NAALADL2: variants seen among roughly 807,000 people sequenced by gnomAD.
NAALADL2 encodes inactive N-acetylated-alpha-linked acidic dipeptidase-like protein 2.
In NAALADL2, 76 loss-of-function variants were observed where a neutral mutation model predicts 87.2. The observed-to-expected ratio is 0.87, with a 90% CI of 0.72 to 1.05. NAALADL2 has a LOEUF of 1.05. NAALADL2 is among the 50% of genes least tolerant of loss of function. The pLI is 0.00. For synonymous variants in NAALADL2, 354 were observed against 331.0 expected, an observed-to-expected ratio of 1.07 and a Z score of -0.75; for missense variants, 1,089 against 945.8, an observed-to-expected ratio of 1.15 and a Z score of -1.99.
chr3:175,688,476 T>A (rs892388495), intron 11 of NAALADL2, among the ~76,000 whole-genome samples: 2 of 152,076 alleles, frequency 1.3e-5, no homozygotes, highest in Non-Finnish European at 2.9e-5. Flanking sequence ...AAAGGAAAGA[T>A]TTAGCCTGTA....
chr3:175,574,015 TG>T (rs1718494809), intron 9 of NAALADL2, among the ~76,000 whole-genome samples: 1 of 152,224 alleles, frequency 6.6e-6, no homozygotes, highest in African/African-American at 2.4e-5. Flanking sequence ...CCATTTTAAT[TG>T]ATGTTTAACT....
chr3:175,154,294 C>A (rs1731982685), intron 2 of NAALADL2, among the ~76,000 whole-genome samples: 1 of 152,032 alleles, frequency 6.6e-6, no homozygotes, highest in African/African-American at 2.4e-5. Context: ...GAAGATTGAG[C>A]CGATTAATTA....
At position 175,097,240 on chromosome 3, in the gene NAALADL2, A is replaced by T; in HGVS notation, c.494A>T (p.Tyr165Phe). 6.2e-7 allele frequency: 1 copy of T among 1,613,244 alleles called. No individual in the cohort carries two copies. Among genetic ancestry groups the T allele is most frequent in the Non-Finnish European group, 8.5e-7 (1 of 1,179,388 alleles). The change falls in exon 2 of 14, where the codon TAT (tyrosine) becomes TTT (phenylalanine). Residue 165 changes from tyrosine to phenylalanine, a missense_variant. Tyr to Phe is a conservative substitution (Grantham distance 22). Coordinates refer to ENST00000454872, the MANE Select transcript of NAALADL2 (RefSeq NM_207015.3). ...PSSGTVDPQL[Y>F]QEILKTIQAE... Reference sequence around the variant, plus strand: ...TCAGGAACAGTTGATCCTCAGTTATATCAAGAGATTCTCAAGACAATCCAG... The same window carrying T: ...TCAGGAACAGTTGATCCTCAGTTATTTCAAGAGATTCTCAAGACAATCCAG...
intron 4 of NAALADL2, among the ~76,000 whole-genome samples, chr3:175,287,322 C>T (rs143352508): frequency 6.6e-6 from 1 of 152,010 alleles, no homozygotes; most frequent in African/African-American, 2.4e-5. Context: ...CAGCAATGTG[C>T]AAAAATAATA....
At chr3:174,757,578 G>A (rs889635353) in intron 3 of NAALADL2, among the ~76,000 whole-genome samples, 1 of 151,664 alleles carries the variant, frequency 6.6e-6, no homozygotes, top group Non-Finnish European at 1.5e-5. Flanking sequence ...TGCAAAGTCC[G>A]CCTCCTGGGT....
chr3:175,695,047 G>T (rs1737558715), intron 11 of NAALADL2, among the ~76,000 whole-genome samples: 1 of 150,818 alleles, frequency 6.6e-6, no homozygotes, highest in Non-Finnish European at 1.5e-5. Context: ...TGAGGTGCTT[G>T]AGGAGAGATC....
intron 1 of NAALADL2, among the ~76,000 whole-genome samples, chr3:174,473,458 G>A (rs1335836209): frequency 1.3e-5 from 2 of 152,114 alleles, no homozygotes; most frequent in Non-Finnish European, 2.9e-5. Context: ...TCCTTCCTGT[G>A]AATGCCCCTT....
intron 5 of NAALADL2, among the ~76,000 whole-genome samples, chr3:175,413,584 A>AAAAG (rs3067080): frequency 6.7e-6 from 1 of 150,330 alleles, no homozygotes; most frequent in East Asian, 2.0e-4. Flanking sequence ...AAAAAAAAAA[A>AAAAG]TCCCAAACAT....
At chr3:175,044,195 G>A (rs1159721393) in intron 1 of NAALADL2, among the ~76,000 whole-genome samples, 1 of 151,904 alleles carries the variant, frequency 6.6e-6, no homozygotes, top group Non-Finnish European at 1.5e-5. Flanking sequence ...AAACACAGTG[G>A]AATTTGTATG....
chr3:175,649,721 T>G (rs1186343158), intron 11 of NAALADL2, among the ~76,000 whole-genome samples: 1 of 152,156 alleles, frequency 6.6e-6, no homozygotes, highest in African/African-American at 2.4e-5. Context: ...CCAGACTTAT[T>G]ACCTTACTTA....
intron 6 of NAALADL2, among the ~76,000 whole-genome samples, chr3:175,456,640 A>G (rs1722362574): frequency 6.6e-6 from 1 of 152,094 alleles, no homozygotes; most frequent in Admixed American, 6.6e-5. Context: ...TTACAAACAT[A>G]GTGAATATCT....
chr3:174,912,143 C>G (rs936590738), intron 1 of NAALADL2, among the ~76,000 whole-genome samples: 1 of 151,922 alleles, frequency 6.6e-6, no homozygotes, highest in African/African-American at 2.4e-5. Flanking sequence ...TGGTAGTTCT[C>G]TCATTTTCCA....
chr3:174,916,312 T>C (rs1734379551), intron 1 of NAALADL2, among the ~76,000 whole-genome samples: 1 of 152,094 alleles, frequency 6.6e-6, no homozygotes, highest in African/African-American at 2.4e-5. Context: ...TGGAAATTCC[T>C]TAATAGGAAC....
intron 13 of NAALADL2, among the ~76,000 whole-genome samples, chr3:175,756,309 G>A (rs925837303): frequency 6.6e-6 from 1 of 151,974 alleles, no homozygotes; most frequent in Non-Finnish European, 1.5e-5. Context: ...CAACCCAAAA[G>A]GCTAATCTCT....
At chr3:174,975,931 T>C (rs558260729) in intron 1 of NAALADL2, among the ~76,000 whole-genome samples, 63 of 152,356 alleles carry the variant, frequency 4.1e-4, no homozygotes, top group Middle Eastern at 3.4e-3. Context: ...ATTTTAAATT[T>C]GTGAGCTTCT....
At chr3:175,609,267 A>C (rs1724244234) in intron 10 of NAALADL2, among the ~76,000 whole-genome samples, 1 of 152,204 alleles carries the variant, frequency 6.6e-6, no homozygotes, top group African/African-American at 2.4e-5. Context: ...AGAAGTGTAC[A>C]AAGAACATAG....
intron 2 of NAALADL2, among the ~76,000 whole-genome samples, chr3:174,588,007 C>A (rs570887621): frequency 6.6e-6 from 1 of 152,290 alleles, no homozygotes; most frequent in South Asian, 2.1e-4. Context: ...TTCAGGTACA[C>A]CAATCAGATG....
At chr3:175,122,769 A>G (rs1247859149) in intron 2 of NAALADL2, among the ~76,000 whole-genome samples, 3 of 151,876 alleles carry the variant, frequency 2.0e-5, no homozygotes, top group African/African-American at 7.2e-5. Flanking sequence ...ACATTGTCTC[A>G]ATCTGTTTTG....
intron 1 of NAALADL2, among the ~76,000 whole-genome samples, chr3:175,016,603 A>C (rs1750858212): frequency 1.3e-5 from 2 of 151,890 alleles, no homozygotes; most frequent in Admixed American, 1.3e-4. Flanking sequence ...CATATACGCA[A>C]ATTAAAGAAA....
Sources: allele counts gnomAD v4.1 joint callset (sites outside exome capture counted in the v4.1 genomes callset), GRCh38; gene constraint gnomAD v4.1.1; transcripts MANE v1.5; gene names NCBI Gene and HGNC (gene_info 2026-07-23, HGNC 2026-07-21).